Variants in KCNQ1 observed in about 807,000 individuals in gnomAD.
The protein encoded by KCNQ1 is potassium voltage-gated channel subfamily Q member 1.
In KCNQ1, 49 loss-of-function variants were observed where a neutral mutation model predicts 72.4. The ratio of observed to expected loss-of-function variants is 0.68; its 90% CI spans 0.54 to 0.86. The LOEUF (loss-of-function observed/expected upper bound fraction) is 0.86, where lower values mean the gene tolerates loss of function less well. KCNQ1 is among the 40% of genes least tolerant of loss of function. The probability of loss-of-function intolerance (pLI) is 0.00; values close to 1 mark genes in which losing one functional copy is unlikely to be tolerated. For missense variants in KCNQ1, 790 were observed against 945.1 expected (o/e 0.84, Z 2.15); for synonymous variants, 450 against 412.6 (o/e 1.09, Z -1.10).
rs2133585821 is a variant in KCNQ1, at chr11:2,463,819, C to T, written c.386+18335C>T. ...GCCCTGAAGCCGGATGGCCCGGCCCCCGCTACCACGTGGAGGCTCCCTGTA... is the reference window on the plus strand; with the variant it reads ...GCCCTGAAGCCGGATGGCCCGGCCCTCGCTACCACGTGGAGGCTCCCTGTA... On this transcript the variant is annotated intron_variant, in intron 1 of 15. Transcript: ENST00000155840. The surrounding 1 kb of genome is among the most constrained non-coding windows in gnomAD (Gnocchi z 7.0). 6.6e-6 allele frequency among the ~76,000 whole-genome samples: 1 copy of T among 152,362 alleles called. No individual in the cohort carries two copies. Among genetic ancestry groups the T allele is most frequent in the South Asian group, 2.1e-4 (1 of 4,830 alleles).
At chr11:2,573,241 C>T (rs1019011293) in intron 6 of KCNQ1, among the ~76,000 whole-genome samples, 2 of 152,156 alleles carry the variant, frequency 1.3e-5, no homozygotes. Context: ...AGAGGGAAAT[C>T]GGAGGGGTCA....
At chr11:2,552,797 G>A (rs906878807) in intron 2 of KCNQ1, among the ~76,000 whole-genome samples, 5 of 151,634 alleles carry the variant, frequency 3.3e-5, no homozygotes, top group Non-Finnish European at 7.4e-5. Flanking sequence ...TAGTAATACC[G>A]AGTTTTCCGA....
chr11:2,505,123 A>G (rs982647674), intron 1 of KCNQ1, among the ~76,000 whole-genome samples: 2 of 151,834 alleles, frequency 1.3e-5, no homozygotes, highest in Non-Finnish European at 2.9e-5. Flanking sequence ...ACGTAGGTAA[A>G]TGTGTGCCAC....
chr11:2,817,742 C>G lies in KCNQ1; in HGVS notation c.1795-30025C>G, dbSNP rs1847647573. On this transcript the variant is annotated intron_variant, in intron 15 of 15. Transcript: ENST00000155840. This position sits in a 1 kb window ranked among gnomAD's most constrained non-coding sequence, Gnocchi z 6.1. The stretch of plus-strand genomic sequence containing the variant: ...TACCCACTTACGACCCACCTCCTCT[C>G]CTCCATGGCAAAGGTGATACATTAG... Among the ~76,000 whole-genome samples, 1 of 152,122 alleles carries G rather than the reference C, an allele frequency of 6.6e-6. No homozygotes were observed.
At chr11:2,555,350 C>T (rs537303429) in intron 2 of KCNQ1, among the ~76,000 whole-genome samples, 15 of 152,300 alleles carry the variant, frequency 9.8e-5, no homozygotes, top group Middle Eastern at 3.4e-3. Flanking sequence ...AGGGGTGCAC[C>T]GTCTTTGGGG....
At chr11:2,575,729 A>C (rs1283162714) in intron 6 of KCNQ1, among the ~76,000 whole-genome samples, 2 of 152,166 alleles carry the variant, frequency 1.3e-5, no homozygotes, top group African/African-American at 2.4e-5. Flanking sequence ...CCTGGAGGCC[A>C]GGCCATTCTG....
chr11:2,669,791 C>T lies in KCNQ1; in HGVS notation c.1514+7710C>T, dbSNP rs774256096. 182 of 398,604 alleles carry T rather than the reference C, an allele frequency of 4.6e-4. 1 individual carries two copies. Among genetic ancestry groups the T allele is most frequent in the South Asian group, 1.7e-3 (13 of 7,856 alleles). 24.7% of individuals were successfully genotyped at this position (398,604 alleles called of 1,614,324 possible). ...GATGGGAGATCCTGTGGGGACATTC[C>T]TTATTTGGCCTGAGAGCTTTTGAGA... On this transcript the variant is annotated intron_variant, in intron 11 of 15. Transcript: ENST00000155840. The surrounding 1 kb of genome is among the most constrained non-coding windows in gnomAD (Gnocchi z 5.6).
chr11:2,637,562 T>A (rs1272831573), intron 10 of KCNQ1: 2 of 152,230 alleles, frequency 1.3e-5, no homozygotes, highest in Non-Finnish European at 2.9e-5. Context: ...TTTGTTATAG[T>A]TTCTGTTCTT....
rs532656947 is a variant in KCNQ1 at position 2,750,511 on chromosome 11, T to G, written c.1515-18333T>G. 1.3e-5 allele frequency among the ~76,000 whole-genome samples: 2 copies of G among 152,302 alleles called. No homozygotes were observed. The highest frequency in any genetic ancestry group is 2.4e-5 in the African/African-American group (1 of 41,566). ...TCCACCGGTTTCACCCCACGTCTTTTCCTCTCCTGCCTGGTAACCCTCTCT... is the reference window on the plus strand; with the variant it reads ...TCCACCGGTTTCACCCCACGTCTTTGCCTCTCCTGCCTGGTAACCCTCTCT... On this transcript the variant is annotated intron_variant, in intron 11 of 15. Coordinates refer to ENST00000155840, the MANE Select transcript of KCNQ1 (RefSeq NM_000218.3). This position sits in a 1 kb window ranked among gnomAD's most constrained non-coding sequence, Gnocchi z 6.3.
chr11:2,528,647 G>A (rs1358356443), intron 2 of KCNQ1, among the ~76,000 whole-genome samples: 3 of 152,264 alleles, frequency 2.0e-5, no homozygotes, highest in South Asian at 2.1e-4. Flanking sequence ...ACCTGAATGT[G>A]GGCCGTGAGC....
rs570730988 is a variant in KCNQ1 at position 2,479,712 on chromosome 11, A to G, written c.386+34228A>G. Among the ~76,000 whole-genome samples the G allele has an allele frequency of 4.3e-4, 66 of 152,332 alleles. No individual in the cohort carries two copies. Among genetic ancestry groups the G allele is most frequent in the Middle Eastern group, 6.8e-3 (2 of 294 alleles). ...AGACATTTTCCCCATTGTCTTAGTG[A>G]TTAACATTTGGCTTCTTGTTACTTA... On this transcript the variant is annotated intron_variant, in intron 1 of 15. Coordinates refer to ENST00000155840, the MANE Select transcript of KCNQ1 (RefSeq NM_000218.3). This position sits in a 1 kb window ranked among gnomAD's most constrained non-coding sequence, Gnocchi z 4.6.
Position 2,658,800 on chromosome 11 carries a change from TC to T in KCNQ1, c.1394-3156del, listed in dbSNP as rs1273958295. The stretch of plus-strand genomic sequence containing the variant: ...CTGACCAGAGTTCATCCTTGCCCCC[TC>T]CCCCACAACTTATTTATAGCTTTTT... On this transcript the variant is annotated intron_variant, in intron 10 of 15. Transcript: ENST00000155840. This position sits in a 1 kb window ranked among gnomAD's most constrained non-coding sequence, Gnocchi z 4.9. 5.0e-6 allele frequency: 2 copies of T among 398,310 alleles called. No homozygotes were observed. The highest frequency in any genetic ancestry group is 4.1e-5 in the African/African-American group (2 of 48,548). The allele number at this position is 398,310 out of a possible 1,614,324, so 24.7% of individuals were successfully genotyped here.
At position 2,516,351 on chromosome 11, in the gene KCNQ1, C is replaced by T. The variant is rs1028031859; in HGVS notation, c.387-11577C>T. On this transcript the variant is annotated intron_variant, in intron 1 of 15. Transcript: ENST00000155840. This position sits in a 1 kb window ranked among gnomAD's most constrained non-coding sequence, Gnocchi z 7.0. The stretch of plus-strand genomic sequence containing the variant: ...TTAAATGGCTCAGTCCCAGCGTCCC[C>T]TCATGCCTGGGACCGCTGACCCACC... Among the ~76,000 whole-genome samples, 3 of 152,084 alleles carry T rather than the reference C, an allele frequency of 2.0e-5. No individual in the cohort carries two copies. The East Asian group carries it at 5.8e-4, about 29-fold the overall frequency.
chr11:2,451,638 G>A lies in KCNQ1; in HGVS notation c.386+6154G>A, dbSNP rs911132270. On this transcript the variant is annotated intron_variant, in intron 1 of 15. Transcript: ENST00000155840. The surrounding 1 kb of genome is among the most constrained non-coding windows in gnomAD (Gnocchi z 6.4). ...TCTCAGGATGAGCCGCCTGGAGTCT[G>A]TTGGCATCTGCCTGGCCGCCTCTGG... Among the ~76,000 whole-genome samples, 1 of 152,200 alleles carries A rather than the reference G, an allele frequency of 6.6e-6. No homozygotes were observed. The highest frequency in any genetic ancestry group is 1.5e-5 in the Non-Finnish European group (1 of 68,026).
Position 2,683,013 on chromosome 11 carries a change from C to A in KCNQ1, c.1514+20932C>A. ...TCCCTTGTGCTGTGCAGCCTTAGTTCTGCCTCCTGAGAGAGGTGACCTTCT... is the reference window on the plus strand; with the variant it reads ...TCCCTTGTGCTGTGCAGCCTTAGTTATGCCTCCTGAGAGAGGTGACCTTCT... On this transcript the variant is annotated intron_variant, in intron 11 of 15. Coordinates refer to ENST00000155840, the MANE Select transcript of KCNQ1 (RefSeq NM_000218.3). The surrounding 1 kb of genome is among the most constrained non-coding windows in gnomAD (Gnocchi z 4.7). 1 of 398,638 alleles carries A rather than the reference C, an allele frequency of 2.5e-6. No individual in the cohort carries two copies. The highest frequency in any genetic ancestry group is 1.3e-4 in the South Asian group (1 of 7,828). 24.7% of individuals were successfully genotyped at this position (398,638 alleles called of 1,614,324 possible).
At chr11:2,832,174 C>T (rs1847965535) in intron 15 of KCNQ1, among the ~76,000 whole-genome samples, 2 of 152,316 alleles carry the variant, frequency 1.3e-5, no homozygotes, top group East Asian at 1.9e-4. Context: ...TTTCCCAGCA[C>T]CCCTGAGGGA....
chr11:2,811,543 T>C (rs1305116134), intron 15 of KCNQ1, among the ~76,000 whole-genome samples: 4 of 152,244 alleles, frequency 2.6e-5, no homozygotes, highest in African/African-American at 7.2e-5. Context: ...CACAGGGCCC[T>C]GCTTGGTCTG....
At position 2,641,686 on chromosome 11, in the gene KCNQ1, T is replaced by A. The variant is rs1406850621; in HGVS notation, c.1394-20275T>A. On this transcript the variant is annotated intron_variant, in intron 10 of 15. Transcript: ENST00000155840. ...TTTGTTTTTGTCTGTGTTTTTGAGG[T>A]CTTATCCATAAAATCTTTCCCTAGA... The A allele has an allele frequency of 4.8e-5, 19 of 398,402 alleles. No individual in the cohort carries two copies. In the Middle Eastern group the frequency reaches 1.9e-3, roughly 40 times the overall value. 24.7% of individuals were successfully genotyped at this position (398,402 alleles called of 1,614,324 possible).
In KCNQ1 at chr11:2,734,378, A is replaced by C. The variant is rs1383133671; in HGVS notation, c.1515-34466A>C. The stretch of plus-strand genomic sequence containing the variant: ...AGGCAGGGGAGCAATGGATGGGTTG[A>C]ATGAGGAAGCTTCACAGCCCCCCGG... On this transcript the variant is annotated intron_variant, in intron 11 of 15. Coordinates refer to ENST00000155840, the MANE Select transcript of KCNQ1 (RefSeq NM_000218.3). The surrounding 1 kb of genome is among the most constrained non-coding windows in gnomAD (Gnocchi z 7.0). Among the ~76,000 whole-genome samples the C allele has an allele frequency of 6.6e-6, 1 of 152,200 alleles. No homozygotes were observed. The highest frequency in any genetic ancestry group is 1.5e-5 in the Non-Finnish European group (1 of 68,036).
Sources: gnomAD v4.1 joint callset for allele counts (sites outside exome capture counted in the v4.1 genomes callset) on GRCh38, gnomAD v4.1.1 for gene constraint, Gnocchi (gnomAD v3.1) non-coding constraint, MANE v1.5 for transcripts, NCBI Gene and HGNC (gene_info 2026-07-23, HGNC 2026-07-21) for gene names.